The following PDE4D variants were observed in gnomAD, a reference collection of about 807,000 sequenced individuals.
PDE4D encodes the protein phosphodiesterase 4D.
In PDE4D, 24 loss-of-function variants were observed where a neutral mutation model predicts 87.4. The observed-to-expected ratio is 0.27, with a 90% CI of 0.20 to 0.39. The LOEUF is 0.39. Ranked by LOEUF, PDE4D falls within the 10% of genes least tolerant of loss-of-function variation. PDE4D has a pLI of 1.00. For synonymous variants in PDE4D, 384 were observed against 383.2 expected (o/e 1.00, Z -0.02); for missense variants, 714 against 1,041.0 (o/e 0.69, Z 4.32).
intron 5 of PDE4D, among the ~76,000 whole-genome samples, chr5:59,076,640 T>C (rs1416064278): frequency 6.6e-6 from 1 of 152,170 alleles, no homozygotes; most frequent in East Asian, 1.9e-4. Context: ...AGAATTGTTA[T>C]TGAGCAGATG....
rs1011421452 is a variant in PDE4D at position 60,188,940 on chromosome 5, C to G, written c.-89-3253G>C. On this transcript the variant is annotated intron_variant, in intron 1 of 16. Transcript: ENST00000502484. Reference sequence around the variant, plus strand: ...GTGGTAACCTCTGCAAAAATCAAAGCTGTGCCTAAACTAAAGAATGTTTGA... The same window carrying G: ...GTGGTAACCTCTGCAAAAATCAAAGGTGTGCCTAAACTAAAGAATGTTTGA... Among the ~76,000 whole-genome samples the G allele has an allele frequency of 2.6e-5, 4 of 152,312 alleles. No homozygotes were observed. In the East Asian group the frequency reaches 7.7e-4, roughly 29 times the overall value.
rs759820053 is a variant in PDE4D at position 59,298,113 on chromosome 5, CTTTT to C, written c.456-82149_456-82146del. Among the ~76,000 whole-genome samples, 108 of 112,994 alleles carry C rather than the reference CTTTT, an allele frequency of 9.6e-4. 1 individual carries two copies. Among genetic ancestry groups the C allele is most frequent in the Middle Eastern group, 5.2e-3 (1 of 194 alleles). 74.1% of individuals were successfully genotyped at this position (112,994 alleles called of 152,430 possible). ...AGCCAACCCCAAGGCACAAGTGAAACTTTTTTTTTTTTTTTTTTTTTGAGACAGA... is the reference window on the plus strand; with the variant it reads ...AGCCAACCCCAAGGCACAAGTGAAACTTTTTTTTTTTTTTTTTGAGACAGA... On this transcript the variant is annotated intron_variant, in intron 1 of 14. Transcript: ENST00000340635.
chr5:59,592,421 T>G (rs1436612883), intron 1 of PDE4D, among the ~76,000 whole-genome samples: 1 of 152,120 alleles, frequency 6.6e-6, no homozygotes, highest in Non-Finnish European at 1.5e-5. Flanking sequence ...TTCTACATAT[T>G]CTCATAACCC....
At chr5:60,071,405 A>C (rs965393161) in intron 2 of PDE4D, among the ~76,000 whole-genome samples, 2 of 152,116 alleles carry the variant, frequency 1.3e-5, no homozygotes. Flanking sequence ...AAAGCTGCCA[A>C]ATTAAATTAA....
chr5:59,255,576 T>G (rs1303543827), intron 1 of PDE4D, among the ~76,000 whole-genome samples: 1 of 152,114 alleles, frequency 6.6e-6, no homozygotes, highest in Admixed American at 6.6e-5. Context: ...CCTGTATTGA[T>G]GAAGAGTAGG....
At chr5:60,063,095 G>GAAAGAAAGA (rs1554144202) in intron 2 of PDE4D, among the ~76,000 whole-genome samples, 1 of 97,220 alleles carries the variant, frequency 1.0e-5, no homozygotes, top group African/African-American at 3.9e-5. Flanking sequence ...AAGAAAGAAA[G>GAAAGAAAGA]AAGAAAGAAA....
chr5:59,567,893 C>T (rs1175091930), intron 1 of PDE4D, among the ~76,000 whole-genome samples: 1 of 152,166 alleles, frequency 6.6e-6, no homozygotes, highest in Non-Finnish European at 1.5e-5. Flanking sequence ...TCTATTTATG[C>T]TTCCTGATTG....
intron 2 of PDE4D, among the ~76,000 whole-genome samples, chr5:60,122,018 C>A (rs1778729912): frequency 6.6e-6 from 1 of 152,128 alleles, no homozygotes; most frequent in Admixed American, 6.5e-5. Context: ...TCCAGCAGGG[C>A]AGTCAAATTT....
intron 1 of PDE4D, among the ~76,000 whole-genome samples, chr5:59,221,778 G>A (rs1288059382): frequency 3.9e-5 from 6 of 152,154 alleles, no homozygotes; most frequent in African/African-American, 1.4e-4. Flanking sequence ...GATTTCATTT[G>A]GAATTAAGGA....
intron 1 of PDE4D, among the ~76,000 whole-genome samples, chr5:60,197,022 T>TAGGC: frequency 1.6e-5 from 1 of 61,328 alleles, no homozygotes; most frequent in Non-Finnish European, 3.0e-5. Context: ...GATAGGCAGA[T>TAGGC]AGATAGATAG....
chr5:59,843,661 T>C (rs996937181), intron 1 of PDE4D, among the ~76,000 whole-genome samples: 2 of 152,084 alleles, frequency 1.3e-5, no homozygotes, highest in Non-Finnish European at 2.9e-5. Context: ...AAGCTGCCTA[T>C]GTTTATAACT....
chr5:59,106,282 G>A (rs1771563354), intron 5 of PDE4D, among the ~76,000 whole-genome samples: 2 of 152,150 alleles, frequency 1.3e-5, no homozygotes, highest in Non-Finnish European at 1.5e-5. Flanking sequence ...TGGTATAGAG[G>A]AACAACTTGT....
At chr5:59,223,765 G>A (rs1753076185) in intron 1 of PDE4D, among the ~76,000 whole-genome samples, 1 of 152,006 alleles carries the variant, frequency 6.6e-6, no homozygotes, top group Non-Finnish European at 1.5e-5. Context: ...GTAGAAACTA[G>A]CATTTTACAG....
At chr5:59,201,754 T>C (rs960198744) in intron 2 of PDE4D, among the ~76,000 whole-genome samples, 1 of 152,192 alleles carries the variant, frequency 6.6e-6, no homozygotes, top group Non-Finnish European at 1.5e-5. Context: ...TACAAGTGAA[T>C]GTGCTTTTCC....
chr5:60,181,528 A>G (rs2149500473), intron 2 of PDE4D, among the ~76,000 whole-genome samples: 1 of 152,342 alleles, frequency 6.6e-6, no homozygotes, highest in African/African-American at 2.4e-5. Context: ...AAAAAAGAAC[A>G]AGGAACATCA....
chr5:59,148,943 C>A (rs555999416), intron 5 of PDE4D, among the ~76,000 whole-genome samples: 1 of 152,038 alleles, frequency 6.6e-6, no homozygotes, highest in African/African-American at 2.4e-5. Flanking sequence ...CATTAGGCTG[C>A]GGAATCCTGC....
chr5:59,542,802 GTA>G (rs1390100321), intron 1 of PDE4D, among the ~76,000 whole-genome samples: 2 of 152,132 alleles, frequency 1.3e-5, no homozygotes, highest in African/African-American at 4.8e-5. Context: ...TTGAAATTTA[GTA>G]TACAGTATGT....
At chr5:59,614,105 T>C (rs1579852158) in intron 1 of PDE4D, among the ~76,000 whole-genome samples, 1 of 152,230 alleles carries the variant, frequency 6.6e-6, no homozygotes, top group African/African-American at 2.4e-5. Context: ...TTGAACTTTT[T>C]TCCAGGCAAC....
chr5:59,121,894 A>G (rs576753837), intron 5 of PDE4D, among the ~76,000 whole-genome samples: 1 of 152,280 alleles, frequency 6.6e-6, no homozygotes, highest in South Asian at 2.1e-4. Flanking sequence ...CTGCAATCCC[A>G]GCACTTTTGG....
Sources: allele counts gnomAD v4.1 joint callset (sites outside exome capture counted in the v4.1 genomes callset), GRCh38; gene constraint gnomAD v4.1.1; transcripts MANE v1.5; gene names NCBI Gene and HGNC (gene_info 2026-07-23, HGNC 2026-07-21).